Variants in RNGTT observed in about 807,000 individuals in gnomAD.
The protein encoded by RNGTT is mRNA-capping enzyme.
RNGTT carries 33 observed loss-of-function variants against 79.3 expected under a neutral mutation model. The ratio of observed to expected loss-of-function variants is 0.42; its 90% confidence interval spans 0.32 to 0.56. The LOEUF is 0.56. RNGTT is among the 20% of genes least tolerant of loss of function. RNGTT has a pLI of 0.17. For synonymous variants in RNGTT, 222 were observed against 235.9 expected (o/e 0.94, Z 0.54); for missense variants, 497 against 739.1 (o/e 0.67, Z 3.80).
intron 13 of RNGTT, among the ~76,000 whole-genome samples, chr6:88,757,401 G>T (rs554535327): frequency 3.9e-5 from 6 of 152,210 alleles, no homozygotes; most frequent in African/African-American, 1.4e-4. Flanking sequence ...TATATCTGGA[G>T]AAATCAAACC....
At chr6:88,703,128 A>G (rs943916080) in intron 13 of RNGTT, among the ~76,000 whole-genome samples, 2 of 152,226 alleles carry the variant, frequency 1.3e-5, no homozygotes, top group Non-Finnish European at 2.9e-5. Flanking sequence ...CAGCCACTGT[A>G]GGAAGCAGTT....
chr6:88,812,409 A>G (rs553078794), intron 11 of RNGTT, among the ~76,000 whole-genome samples: 4 of 152,332 alleles, frequency 2.6e-5, no homozygotes, highest in Non-Finnish European at 5.9e-5. Flanking sequence ...CCACATCCTC[A>G]TGGAACAATA....
chr6:88,782,408 T>A (rs1205387290), intron 12 of RNGTT, among the ~76,000 whole-genome samples: 2 of 151,964 alleles, frequency 1.3e-5, no homozygotes, highest in East Asian at 3.8e-4. Context: ...TCAACTCAAA[T>A]GGATTAAACA....
intron 13 of RNGTT, among the ~76,000 whole-genome samples, chr6:88,732,552 A>T (rs1186143403): frequency 6.6e-6 from 1 of 152,260 alleles, no homozygotes; most frequent in Non-Finnish European, 1.5e-5. Context: ...ACATATTTGT[A>T]AACCCATGCT....
intron 8 of RNGTT, among the ~76,000 whole-genome samples, chr6:88,889,181 A>C (rs183084953): frequency 8.9e-4 from 135 of 152,278 alleles, no homozygotes; most frequent in Admixed American, 1.6e-3. Flanking sequence ...TGTCAAATGA[A>C]TATGTCTTAC....
intron 8 of RNGTT, among the ~76,000 whole-genome samples, chr6:88,872,505 A>G (rs1461593989): frequency 6.6e-6 from 1 of 152,200 alleles, no homozygotes; most frequent in Non-Finnish European, 1.5e-5. Context: ...ACTTAACTGT[A>G]CTTTCCAAAA....
At chr6:88,904,979 ATT>A in intron 5 of RNGTT, 24 bp from the exon 6 acceptor site, 1 of 1,608,340 alleles carries the variant, frequency 6.2e-7, no homozygotes, top group Non-Finnish European at 8.5e-7. Context: ...ACACCATGCA[ATT>A]TCCTCGCTAT....
chr6:88,906,449 T>A lies in RNGTT; in HGVS notation c.368-9A>T. On this transcript the variant is annotated splice_polypyrimidine_tract_variant and intron_variant, in intron 4 of 15. Coordinates refer to ENST00000369485, the MANE Select transcript of RNGTT (RefSeq NM_003800.5). Reference sequence around the variant, plus strand: ...ATGAGTACAATGAACACCTAGAAAATAAAGTAGCTTTGGTTAAAATTAACA... The same window carrying A: ...ATGAGTACAATGAACACCTAGAAAAAAAAGTAGCTTTGGTTAAAATTAACA... 1 of 1,562,378 alleles carries A rather than the reference T, an allele frequency of 6.4e-7. No individual in the cohort carries two copies. Among genetic ancestry groups the A allele is most frequent in the Non-Finnish European group, 8.7e-7 (1 of 1,155,992 alleles).
intron 8 of RNGTT, among the ~76,000 whole-genome samples, chr6:88,874,390 T>C (rs1782451445): frequency 6.6e-6 from 1 of 152,128 alleles, no homozygotes; most frequent in Non-Finnish European, 1.5e-5. Flanking sequence ...TCCATCTTCA[T>C]GAAAAGAAAA....
chr6:88,640,381 C>T (rs1486025934), intron 14 of RNGTT, among the ~76,000 whole-genome samples: 1 of 123,900 alleles, frequency 8.1e-6, no homozygotes, highest in Non-Finnish European at 1.7e-5. Context: ...GAGACCCTGT[C>T]TCTACAAAAA....
chr6:88,886,450 A>C (rs562329307), intron 8 of RNGTT, among the ~76,000 whole-genome samples: 2 of 152,324 alleles, frequency 1.3e-5, no homozygotes, highest in African/African-American at 4.8e-5. Flanking sequence ...CAATACATCA[A>C]TGTTAATGTC....
intron 13 of RNGTT, among the ~76,000 whole-genome samples, chr6:88,765,807 C>T (rs1285020506): frequency 6.6e-6 from 1 of 152,084 alleles, no homozygotes; most frequent in Non-Finnish European, 1.5e-5. Context: ...TTACAAAAAC[C>T]TCTATAATGA....
At chr6:88,726,923 C>A (rs1776927379) in intron 13 of RNGTT, among the ~76,000 whole-genome samples, 1 of 151,156 alleles carries the variant, frequency 6.6e-6, no homozygotes. Flanking sequence ...ATCTTGTGGC[C>A]TTAGACGGTC....
chr6:88,920,588 G>A (rs1372989806), intron 4 of RNGTT, among the ~76,000 whole-genome samples: 1 of 152,048 alleles, frequency 6.6e-6, no homozygotes, highest in East Asian at 1.9e-4. Context: ...GTAATACTGA[G>A]GCCTTTATCT....
At chr6:88,695,076 T>C (rs182203255) in intron 13 of RNGTT, among the ~76,000 whole-genome samples, 1 of 152,054 alleles carries the variant, frequency 6.6e-6, no homozygotes, top group African/African-American at 2.4e-5. Flanking sequence ...GGAAAAAAAA[T>C]AGATCAAAAA....
intron 4 of RNGTT, among the ~76,000 whole-genome samples, chr6:88,915,698 A>G (rs1480571083): frequency 1.3e-5 from 2 of 152,188 alleles, no homozygotes; most frequent in Non-Finnish European, 2.9e-5. Context: ...AACCAACAGA[A>G]GCCCAAACTC....
intron 11 of RNGTT, among the ~76,000 whole-genome samples, chr6:88,821,020 T>C (rs1780481593): frequency 6.6e-6 from 1 of 152,004 alleles, no homozygotes; most frequent in South Asian, 2.1e-4. Context: ...AGGAGAAGAA[T>C]AAGAGCAACA....
chr6:88,777,966 T>C (rs986518345), intron 12 of RNGTT, among the ~76,000 whole-genome samples: 1 of 152,192 alleles, frequency 6.6e-6, no homozygotes, highest in Non-Finnish European at 1.5e-5. Flanking sequence ...AAAATTTTCT[T>C]CTATACCTAT....
chr6:88,896,737 A>G (rs1295731578), intron 6 of RNGTT, among the ~76,000 whole-genome samples: 1 of 152,192 alleles, frequency 6.6e-6, no homozygotes, highest in Non-Finnish European at 1.5e-5. Flanking sequence ...ACAGTCAGAG[A>G]GTCTAAACTA....
Sources: allele counts gnomAD v4.1 joint callset (sites outside exome capture counted in the v4.1 genomes callset), GRCh38; gene constraint gnomAD v4.1.1; transcripts MANE v1.5; gene names NCBI Gene and HGNC (gene_info 2026-07-23, HGNC 2026-07-21).